The following P3H2 variants were observed in gnomAD, a reference collection of about 807,000 sequenced individuals.
P3H2 encodes prolyl 3-hydroxylase 2.
P3H2 carries 80 observed loss-of-function variants against 87.0 expected under a neutral mutation model. The ratio of observed to expected loss-of-function variants is 0.92; its 90% confidence interval spans 0.77 to 1.11. P3H2 has a LOEUF of 1.11. P3H2 is among the 50% of genes least tolerant of loss of function. P3H2 has a pLI of 0.00. For synonymous variants in P3H2, 367 were observed against 359.3 expected, an observed-to-expected ratio of 1.02 and a Z score of -0.24; for missense variants, 1,001 against 923.9, an observed-to-expected ratio of 1.08 and a Z score of -1.08.
intron 8 of P3H2, among the ~76,000 whole-genome samples, chr3:189,975,752 C>T (rs1723331005): frequency 6.6e-6 from 1 of 152,196 alleles, no homozygotes; most frequent in Non-Finnish European, 1.5e-5. Flanking sequence ...GGGAAGAGCA[C>T]TGTCTAAATG....
intron 10 of P3H2, 144 bp from the exon 11 acceptor site, chr3:189,973,168 C>T (rs916893735): frequency 2.1e-5 from 15 of 708,410 alleles, no homozygotes; most frequent in East Asian, 5.4e-5. Context: ...TTGTGGATTT[C>T]GGTTAGGACA....
At chr3:189,969,062 C>T in intron 13 of P3H2, 2 of 370,470 alleles carry the variant, frequency 5.4e-6, no homozygotes, top group Admixed American at 3.8e-5. Flanking sequence ...TTCTTCAGGC[C>T]ATGGAGGGTT....
At chr3:190,121,349 A>G (rs1205336627), upstream of P3H2, among the ~76,000 whole-genome samples, 19 of 151,880 alleles carry the variant, frequency 1.3e-4, no homozygotes, top group Admixed American at 1.2e-3. Context: ...TAAAAAAAAA[A>G]AGAATAAATA....
At chr3:189,986,348 GCTGAGGCGGGCGGATCAC>G (rs1364701955) in intron 6 of P3H2, among the ~76,000 whole-genome samples, 1 of 152,202 alleles carries the variant, frequency 6.6e-6, no homozygotes, top group Non-Finnish European at 1.5e-5. Flanking sequence ...ACTTGGGGAG[GCTGAGGCGGGCGGATCAC>G]CTGAGGTCAG....
At chr3:190,066,143 G>GTGTATATATATATA (rs58939026) in intron 1 of P3H2, among the ~76,000 whole-genome samples, 40 of 138,770 alleles carry the variant, frequency 2.9e-4, no homozygotes, top group African/African-American at 6.0e-4. Flanking sequence ...ACTGTGGTGT[G>GTGTATATATATATA]TATATATATA....
At chr3:189,959,398 C>T (rs1722742189) in intron 14 of P3H2, among the ~76,000 whole-genome samples, 1 of 105,312 alleles carries the variant, frequency 9.5e-6, no homozygotes, top group Non-Finnish European at 1.9e-5. Context: ...AATGCTATCC[C>T]TCCCCCCTCC....
At chr3:190,110,616 TG>T (rs561611264) in intron 1 of P3H2, among the ~76,000 whole-genome samples, 2 of 152,222 alleles carry the variant, frequency 1.3e-5, no homozygotes, top group Non-Finnish European at 2.9e-5. Context: ...AGAAATAATT[TG>T]TATGGTCTAC....
intron 1 of P3H2, among the ~76,000 whole-genome samples, chr3:190,066,667 A>T (rs1726516225): frequency 6.6e-6 from 1 of 152,130 alleles, no homozygotes; most frequent in Admixed American, 6.6e-5. Context: ...AATGCAATAT[A>T]AAAAAAGTTT....
intron 1 of P3H2, among the ~76,000 whole-genome samples, chr3:190,055,650 T>A (rs1412516265): frequency 6.6e-6 from 1 of 152,156 alleles, no homozygotes; most frequent in African/African-American, 2.4e-5. Flanking sequence ...TCATATTCTC[T>A]TGAAGGAAGT....
At chr3:189,994,070 TA>T (rs1723962892) in intron 3 of P3H2, 23 bp downstream of exon 3, 1 of 1,561,908 alleles carries the variant, frequency 6.4e-7, no homozygotes. Context: ...AAGAAAGAAA[TA>T]AAATGAAAAA....
rs550428113 is a variant in P3H2, at chr3:190,033,272, G to A, written c.481-37830C>T. Among the ~76,000 whole-genome samples the A allele has an allele frequency of 3.8e-3, 573 of 152,230 alleles. 4 individuals carry two copies. The highest frequency in any genetic ancestry group is 0.013 in the African/African-American group (542 of 41,564). ...TTCCTAATGGGCCACAGACTTGTAC[G>A]GGTCCGTGACCTGGGGGTTGTGGAC... On this transcript the variant is annotated intron_variant, in intron 1 of 14. Coordinates refer to ENST00000319332, the MANE Select transcript of P3H2 (RefSeq NM_018192.4).
chr3:189,977,748 G>C (rs1037203978), intron 8 of P3H2, among the ~76,000 whole-genome samples: 8 of 151,546 alleles, frequency 5.3e-5, no homozygotes, highest in Admixed American at 6.6e-5. Flanking sequence ...CTATAGGCAC[G>C]CACCACCATG....
intron 1 of P3H2, among the ~76,000 whole-genome samples, chr3:190,064,361 T>C (rs1011150015): frequency 1.1e-4 from 17 of 151,994 alleles, no homozygotes; most frequent in African/African-American, 3.9e-4. Context: ...TTCAGTAACT[T>C]TGTTTCTGAT....
chr3:190,078,547 T>C (rs1577312640), intron 1 of P3H2, among the ~76,000 whole-genome samples: 1 of 152,200 alleles, frequency 6.6e-6, no homozygotes, highest in East Asian at 1.9e-4. Flanking sequence ...GGGAATTGTG[T>C]ATGAGGAAAC....
intron 1 of P3H2, among the ~76,000 whole-genome samples, chr3:190,041,779 A>T (rs1281678964): frequency 6.6e-6 from 1 of 152,212 alleles, no homozygotes; most frequent in Non-Finnish European, 1.5e-5. Flanking sequence ...CACAAAGGCA[A>T]TTTTTAATTT....
intron 13 of P3H2, chr3:189,969,668 T>C: frequency 8.1e-7 from 1 of 1,235,340 alleles, no homozygotes; most frequent in South Asian, 1.2e-5. Context: ...CAGGATGGTG[T>C]GCTGCCTCCC....
chr3:190,002,858 C>T (rs567499418), intron 1 of P3H2, among the ~76,000 whole-genome samples: 1 of 152,316 alleles, frequency 6.6e-6, no homozygotes, highest in South Asian at 2.1e-4. Context: ...AATATATACT[C>T]CCATAGTAAG....
Position 190,005,817 on chromosome 3 carries a change from T to G in P3H2, c.481-10375A>C, listed in dbSNP as rs149207192. Among the ~76,000 whole-genome samples the G allele has an allele frequency of 6.3e-3, 961 of 152,326 alleles. 14 individuals are homozygous for G. Among genetic ancestry groups the G allele is most frequent in the African/African-American group, 0.022 (916 of 41,570 alleles). ...CCTGGAGGAATCTTTAAGAGGAGACTAAGGTCTCTGCAGGTATGTCACCCA... is the reference window on the plus strand; with the variant it reads ...CCTGGAGGAATCTTTAAGAGGAGACGAAGGTCTCTGCAGGTATGTCACCCA... On this transcript the variant is annotated intron_variant, in intron 1 of 14. Transcript: ENST00000319332.
At chr3:189,974,975 G>T (rs570970412) in intron 8 of P3H2, among the ~76,000 whole-genome samples, 1 of 152,100 alleles carries the variant, frequency 6.6e-6, no homozygotes, top group South Asian at 2.1e-4. Context: ...CCAAAAAGTC[G>T]ACTGGGCATC....
Sources: gnomAD v4.1 joint callset for allele counts (sites outside exome capture counted in the v4.1 genomes callset) on GRCh38, gnomAD v4.1.1 for gene constraint, MANE v1.5 for transcripts, NCBI Gene and HGNC (gene_info 2026-07-23, HGNC 2026-07-21) for gene names.